Variants in SETDB1 observed in about 807,000 individuals in gnomAD.
The protein encoded by SETDB1 is SET domain bifurcated histone lysine methyltransferase 1, also known as histone-lysine N-methyltransferase SETDB1.
In SETDB1, 31 loss-of-function variants were observed where a neutral mutation model predicts 137.4. The observed-to-expected ratio is 0.23, with a 90% confidence interval of 0.17 to 0.30. The LOEUF (loss-of-function observed/expected upper bound fraction) is 0.30, where lower values mean the gene tolerates loss of function less well. Ranked by LOEUF, SETDB1 falls within the 10% of genes least tolerant of loss-of-function variation. The pLI, the probability that SETDB1 is intolerant of heterozygous loss-of-function variation, is 1.00. For missense variants in SETDB1, 1,113 were observed against 1,631.5 expected (o/e 0.68, Z 5.47); for synonymous variants, 548 against 579.9 (o/e 0.95, Z 0.79).
At chr1:150,936,790 A>G (rs917973638) in intron 3 of SETDB1, among the ~76,000 whole-genome samples, 1 of 152,072 alleles carries the variant, frequency 6.6e-6, no homozygotes, top group Non-Finnish European at 1.5e-5. Context: ...AGTAGCTGAG[A>G]CTACAGGCAA....
Position 150,959,192 on chromosome 1 carries a change from A to G in SETDB1, c.2348A>G (p.Asn783Ser). ...ECLPTGVYEC[N>S]KRCKCDPNMC... ...CCTCCTCCCAGGGTATATGAGTGTA[A>G]CAAACGCTGCAAATGTGACCCAAAC... is the stretch of plus-strand genomic sequence containing the variant. Residue 783 changes from asparagine to serine, a missense_variant, in exon 15 of 22, where the codon AAC becomes AGC. Physicochemically the swap from Asn to Ser is conservative, Grantham distance 46 (BLOSUM62 1). Transcript: ENST00000692827. 1.0e-5 allele frequency: 16 copies of G among 1,580,366 alleles called. No individual in the cohort carries two copies. Among genetic ancestry groups the G allele is most frequent in the Non-Finnish European group, 1.4e-5 (16 of 1,168,600 alleles).
chr1:150,950,383 T>G, intron 12 of SETDB1, 75 bp from the exon 13 acceptor site: 6 of 1,280,636 alleles, frequency 4.7e-6, no homozygotes, highest in Non-Finnish European at 6.5e-6. Flanking sequence ...AGAAATGGCT[T>G]AGCTACCTGG....
At chr1:150,942,470 A>G (rs1670195098) in intron 5 of SETDB1, 93 bp from the exon 6 acceptor site, 1 of 1,054,014 alleles carries the variant, frequency 9.5e-7, no homozygotes, top group African/African-American at 1.6e-5. Flanking sequence ...AAATTACCCC[A>G]CTTTCCCTAA....
At position 150,964,536 on chromosome 1, in the gene SETDB1, C is replaced by T; in HGVS notation, c.*172C>T. ...TCCCTTCCAATGTGGTGCTAGCAGG[C>T]AGGATCCCTTCTCCACCTCCAAAGG... On this transcript the variant is annotated 3_prime_UTR_variant, in exon 22 of 22. Transcript: ENST00000692827. The T allele has an allele frequency of 1.4e-6, 1 of 706,530 alleles. No individual in the cohort carries two copies. The highest frequency in any genetic ancestry group is 2.0e-5 in the Admixed American group (1 of 49,996). The allele number at this position is 706,530 out of a possible 1,614,324, so 43.8% of individuals were successfully genotyped here. A position where few individuals can be genotyped will look rare whatever the true frequency, so the allele number is the denominator to read the frequency against.
At chr1:150,949,024 T>C in intron 10 of SETDB1, 98 bp from the exon 11 acceptor site, 2 of 1,257,646 alleles carry the variant, frequency 1.6e-6, no homozygotes, top group Non-Finnish European at 2.2e-6. Flanking sequence ...CAGCCATTGC[T>C]TCCTTTTTAT....
Position 150,963,574 on chromosome 1 carries a change from G to A in SETDB1, c.3505G>A (p.Ala1169Thr). The A allele has an allele frequency of 6.2e-7, 1 of 1,614,160 alleles. No homozygotes were observed. Among genetic ancestry groups the A allele is most frequent in the Non-Finnish European group, 8.5e-7 (1 of 1,180,028 alleles). The change falls in exon 20 of 22, where the codon GCT (alanine) becomes ACT (threonine). Residue 1169 changes from alanine (A) to threonine (T), a missense_variant. Physicochemically the swap from Ala to Thr is moderately conservative, Grantham distance 58. Transcript: ENST00000692827. ...GGCAGTAAAATCAACCCGAGGCTTT[G>A]CTCTTAAATCAACCCATGGGATTGC... is the stretch of plus-strand genomic sequence containing the variant. ...QVAVKSTRGF[A>T]LKSTHGIAIK...
At chr1:150,941,657 G>C (rs1670162647) in intron 5 of SETDB1, among the ~76,000 whole-genome samples, 1 of 152,070 alleles carries the variant, frequency 6.6e-6, no homozygotes, top group Non-Finnish European at 1.5e-5. Context: ...CTGCTTCCAG[G>C]TGGAGATTAG....
In SETDB1 at chr1:150,963,610, A is replaced by C. The variant is rs1353543416; in HGVS notation, c.3541A>C (p.Thr1181Pro). The change falls in exon 20 of 22, where the codon ACC becomes CCC. Residue 1181 changes from threonine (T) to proline (P), a missense_variant. This residue lies in a region of SETDB1 where 373 missense variants were observed against 412.7 expected (regional missense o/e 0.90). Transcript: ENST00000692827. ...KSTHGIAIKS[T>P]NMASVDKGES... ...AACCCATGGGATTGCAATTAAATCAACCAACATGGCCTCTGTGGACAAGGG... is the reference window on the plus strand; with the variant it reads ...AACCCATGGGATTGCAATTAAATCACCCAACATGGCCTCTGTGGACAAGGG... 1 of 1,614,050 alleles carries C rather than the reference A, an allele frequency of 6.2e-7. No individual in the cohort carries two copies. The highest frequency in any genetic ancestry group is 1.3e-5 in the African/African-American group (1 of 74,930).
chr1:150,949,549 T>C (rs1237757561), intron 12 of SETDB1, 24 bp downstream of exon 12: 1 of 1,610,696 alleles, frequency 6.2e-7, no homozygotes, highest in African/African-American at 1.3e-5. Context: ...AGGCTCTCTG[T>C]AGGCAGGATA....
rs1670871202 is a variant in SETDB1, at chr1:150,963,024, C to G, written c.3345C>G (p.Thr1115=). 3.1e-6 allele frequency: 5 copies of G among 1,614,132 alleles called. No individual in the cohort carries two copies. The highest frequency in any genetic ancestry group is 4.2e-6 in the Non-Finnish European group (5 of 1,180,020). ...SSTESEGESG[T]SRKPTAGQTS... is the part of the protein sequence containing the mutation. ...CAGAAAGTGAGGGGGAAAGTGGGAC[C>G]AGCCGAAAGCCCACTGCTGGTCAGA... Residue 1115 remains threonine, a synonymous_variant, in exon 19 of 22, where the codon ACC becomes ACG. Coordinates refer to ENST00000692827, the MANE Select transcript of SETDB1 (RefSeq NM_001366418.1).
chr1:150,926,900 A>G, intron 1 of SETDB1: 1 of 513,318 alleles, frequency 1.9e-6, no homozygotes. Context: ...AATATCATAG[A>G]CTTTTTAAAA....
chr1:150,944,027 T>G, intron 8 of SETDB1, 34 bp downstream of exon 8: 1 of 1,388,206 alleles, frequency 7.2e-7, no homozygotes, highest in Non-Finnish European at 1.0e-6. Context: ...TAGCTCAGTT[T>G]TCTCCTCTAC....
rs776100010 is a variant in SETDB1 at position 150,928,138 on chromosome 1, A to G, written c.260+164A>G. ...AGTGGAGTGATCCTGGCTCACTGCA[A>G]CCTCCACCTCTCGGGTTCAAGTGAT... On this transcript the variant is annotated intron_variant, in intron 2 of 21. Coordinates refer to ENST00000692827, the MANE Select transcript of SETDB1 (RefSeq NM_001366418.1). 5.2e-4 allele frequency: 371 copies of G among 717,072 alleles called. 4 individuals are homozygous for G. Among genetic ancestry groups the G allele is most frequent in the Non-Finnish European group, 7.5e-4 (336 of 447,218 alleles). The allele number at this position is 717,072 out of a possible 1,614,324, so 44.4% of individuals were successfully genotyped here.
intron 9 of SETDB1, chr1:150,945,342 TA>T (rs1652685018): frequency 7.1e-7 from 1 of 1,403,820 alleles, no homozygotes. Flanking sequence ...TTGATTTATT[TA>T]TTTTTTTTCT....
At chr1:150,928,187 A>T in intron 2 of SETDB1, 1 of 558,914 alleles carries the variant, frequency 1.8e-6, no homozygotes. Context: ...CCTCCCGAGT[A>T]GCTGGAATTA....
At chr1:150,952,904 C>T (rs369405946) in intron 14 of SETDB1, among the ~76,000 whole-genome samples, 3 of 151,914 alleles carry the variant, frequency 2.0e-5, no homozygotes, top group African/African-American at 7.3e-5. Flanking sequence ...CAAAACAAAA[C>T]AAAAAGTTTG....
In SETDB1 at chr1:150,951,317, G is replaced by A. The variant is rs749890068; in HGVS notation, c.2217-48G>A. 7.1e-5 allele frequency: 98 copies of A among 1,377,168 alleles called. No homozygotes were observed. The South Asian group carries it at 1.0e-3, about 14-fold the overall frequency. 85.3% of individuals were successfully genotyped at this position (1,377,168 alleles called of 1,614,324 possible). A position where few individuals can be genotyped will look rare whatever the true frequency, so the allele number is the denominator to read the frequency against. ...GGTACATGTGTATTGTGTTATTTTTGTTCTCTGATCCCCCCGCTCCTTTCC... is the reference window on the plus strand; with the variant it reads ...GGTACATGTGTATTGTGTTATTTTTATTCTCTGATCCCCCCGCTCCTTTCC... On this transcript the variant is annotated intron_variant, in intron 13 of 21. Coordinates refer to ENST00000692827, the MANE Select transcript of SETDB1 (RefSeq NM_001366418.1).
chr1:150,928,265 G>A (rs1434843561), intron 2 of SETDB1: 12 of 382,374 alleles, frequency 3.1e-5, no homozygotes, highest in Non-Finnish European at 5.3e-5. Context: ...CACCATGTTG[G>A]CCAGGCTGTG....
chr1:150,963,224 G>A (rs367735289), intron 19 of SETDB1, 85 bp downstream of exon 19: 2 of 1,289,838 alleles, frequency 1.6e-6, no homozygotes, highest in Non-Finnish European at 2.2e-6. Flanking sequence ...TAAAGAAGTA[G>A]TGGGTAAAAA....
Sources: allele counts gnomAD v4.1 joint callset (sites outside exome capture counted in the v4.1 genomes callset), GRCh38; gene constraint gnomAD v4.1.1; regional missense constraint gnomAD v4.1.1; transcripts MANE v1.5; gene names NCBI Gene and HGNC (gene_info 2026-07-23, HGNC 2026-07-21).